Variants in EXPH5 observed in about 807,000 individuals in gnomAD.
EXPH5 encodes exophilin 5, also known as exophilin-5.
EXPH5 carries 42 observed loss-of-function variants against 41.1 expected under a neutral mutation model. The ratio of observed to expected loss-of-function variants is 1.02; its 90% CI spans 0.80 to 1.32. The LOEUF is 1.32. Ranked by LOEUF, EXPH5 falls within the 40% of genes most tolerant of loss-of-function variation. The pLI, the probability that EXPH5 is intolerant of heterozygous loss-of-function variation, is 0.00. For synonymous variants in EXPH5, 798 were observed against 833.5 expected (o/e 0.96, Z 0.73); for missense variants, 2,298 against 2,314.5 (o/e 0.99, Z 0.15).
At chr11:108,545,967 C>T (rs958474171) in intron 1 of EXPH5, among the ~76,000 whole-genome samples, 1 of 151,468 alleles carries the variant, frequency 6.6e-6, no homozygotes, top group Non-Finnish European at 1.5e-5. Flanking sequence ...GGCTGAGGCA[C>T]CACCAGTGAA....
chr11:108,589,132 A>G (rs1430806878), intron 1 of EXPH5, among the ~76,000 whole-genome samples: 1 of 152,208 alleles, frequency 6.6e-6, no homozygotes, highest in East Asian at 1.9e-4. Context: ...TACACATTCT[A>G]TCGCCAATGA....
intron 4 of EXPH5, among the ~76,000 whole-genome samples, chr11:108,520,348 G>A (rs1340019920): frequency 6.6e-6 from 1 of 151,856 alleles, no homozygotes; most frequent in Non-Finnish European, 1.5e-5. Context: ...TGGGTCCCTG[G>A]TGCCAAAAAC....
At chr11:108,587,070 T>C (rs1407821486) in intron 1 of EXPH5, among the ~76,000 whole-genome samples, 1 of 152,096 alleles carries the variant, frequency 6.6e-6, no homozygotes, top group African/African-American at 2.4e-5. Context: ...CACCTTCTTC[T>C]CAATTTTAAG....
chr11:108,541,695 T>A lies in EXPH5; in HGVS notation c.237A>T (p.Lys79Asn). 1 of 1,611,720 alleles carries A rather than the reference T, an allele frequency of 6.2e-7. No individual in the cohort carries two copies. Among genetic ancestry groups the A allele is most frequent in the Non-Finnish European group, 8.5e-7 (1 of 1,179,150 alleles). ...CNETDVSQML[K>N]QPLTYRLSKE... ...TACTTAGCCTGTATGTAAGTGGTTG[T>A]TTTAACATTTGGCTAACATCTGTTT... Residue 79 changes from lysine to asparagine, a missense_variant, in exon 2 of 6, where the codon AAA becomes AAT. By Grantham distance (94) the Lys-to-Asn change is moderately conservative. Coordinates refer to ENST00000265843, the MANE Select transcript of EXPH5 (RefSeq NM_015065.3).
At chr11:108,516,891 G>A (rs897353210) in intron 5 of EXPH5, among the ~76,000 whole-genome samples, 5 of 152,082 alleles carry the variant, frequency 3.3e-5, no homozygotes, top group South Asian at 2.1e-4. Context: ...GAAGTATAAG[G>A]TGGGGCAAAA....
At chr11:108,579,866 C>G (rs2094092490) in intron 1 of EXPH5, among the ~76,000 whole-genome samples, 1 of 152,074 alleles carries the variant, frequency 6.6e-6, no homozygotes, top group African/African-American at 2.4e-5. Flanking sequence ...AAAGGGTTTT[C>G]TGGCAGCAAC....
rs1272616786 is a variant in EXPH5, at chr11:108,511,220, A to C, written c.4287T>G (p.Ala1429=). 1 of 1,613,202 alleles carries C rather than the reference A, an allele frequency of 6.2e-7. No homozygotes were observed. Among genetic ancestry groups the C allele is most frequent in the East Asian group, 2.2e-5 (1 of 44,900 alleles). Residue 1429 remains alanine (A), a synonymous_variant, in exon 6 of 6, where the codon GCT becomes GCG. Transcript: ENST00000265843. ...AATTTCCAATATTAACTTCTGAAAG[A>C]GCTGGAAGACTAGAGGGACCACTGT... The part of the protein sequence containing the change: ...SSNSGPSSLP[A]LSEVNIGNSQ...
chr11:108,526,458 A>G (rs945366294), intron 4 of EXPH5, among the ~76,000 whole-genome samples: 1 of 152,164 alleles, frequency 6.6e-6, no homozygotes, highest in Non-Finnish European at 1.5e-5. Flanking sequence ...CTTTCTTTTT[A>G]CATTCCTTTT....
chr11:108,512,317 TC>T lies in EXPH5; in HGVS notation c.3189del (p.Asn1064ThrfsTer4), dbSNP rs1339950284. On this transcript the variant is annotated frameshift_variant, in exon 6 of 6. Coordinates refer to ENST00000265843, the MANE Select transcript of EXPH5 (RefSeq NM_015065.3). LOFTEE classifies it low-confidence loss of function (END_TRUNC). ...QIKNNVEDAMGNYMLNKFSPS... is the reference protein window; with the variant it reads ...QIKNNVEDAMXNYMLNKFSPS... ...GGACTAAATTTGTTTAACATATAGTTCCCCATTGCATCTTCCACATTATTTT... is the reference window on the plus strand; with the variant it reads ...GGACTAAATTTGTTTAACATATAGTTCCCATTGCATCTTCCACATTATTTT... The T allele has an allele frequency of 3.1e-6, 5 of 1,613,560 alleles. No individual in the cohort carries two copies. The highest frequency in any genetic ancestry group is 4.2e-6 in the Non-Finnish European group (5 of 1,179,878).
In EXPH5 at chr11:108,512,666, A is replaced by G. The variant is rs1215997871; in HGVS notation, c.2841T>C (p.Asp947=). The change falls in exon 6 of 6, where the codon GAT becomes GAC. Residue 947 remains aspartate, a synonymous_variant. Transcript: ENST00000265843. ...CTTCATCATGTGTAGGCACAGGACTATCATTTCTCTCTTGGTTTTCTGAGT... is the reference window on the plus strand; with the variant it reads ...CTTCATCATGTGTAGGCACAGGACTGTCATTTCTCTCTTGGTTTTCTGAGT... ...VSHSENQERN[D]SPVPTHDEVV... 42 of 1,614,032 alleles carry G rather than the reference A, an allele frequency of 2.6e-5. No homozygotes were observed. The highest frequency in any genetic ancestry group is 3.3e-5 in the Non-Finnish European group (39 of 1,180,026).
chr11:108,589,230 C>T (rs968213689), intron 1 of EXPH5, among the ~76,000 whole-genome samples: 2 of 152,192 alleles, frequency 1.3e-5, no homozygotes, highest in Non-Finnish European at 2.9e-5. Flanking sequence ...GTCTGGCACA[C>T]AGTAAAAAGC....
At chr11:108,522,215 C>G (rs149637376) in intron 4 of EXPH5, among the ~76,000 whole-genome samples, 117 of 151,216 alleles carry the variant, frequency 7.7e-4, no homozygotes, top group African/African-American at 2.8e-3. Context: ...AAAAAAGGAA[C>G]TGTTAGTCAA....
At chr11:108,587,268 C>T (rs961821902) in intron 1 of EXPH5, among the ~76,000 whole-genome samples, 9 of 152,244 alleles carry the variant, frequency 5.9e-5, no homozygotes, top group African/African-American at 1.9e-4. Flanking sequence ...CTAAACTTAA[C>T]CTGACCTCCT....
intron 3 of EXPH5, among the ~76,000 whole-genome samples, chr11:108,530,942 C>T (rs1323256311): frequency 6.6e-6 from 1 of 152,194 alleles, no homozygotes; most frequent in Non-Finnish European, 1.5e-5. Context: ...GGCCTTCCCA[C>T]AAGTTAATTT....
At chr11:108,607,391 A>T in the EXPH5 span, among the ~76,000 whole-genome samples, 3 of 152,226 alleles carry the variant, frequency 2.0e-5, no homozygotes, top group African/African-American at 4.8e-5. Flanking sequence ...TACTCATTCA[A>T]TGTAAAAATA....
At chr11:108,583,326 C>T (rs1175964749) in intron 1 of EXPH5, among the ~76,000 whole-genome samples, 9 of 150,766 alleles carry the variant, frequency 6.0e-5, no homozygotes, top group African/African-American at 1.7e-4. Flanking sequence ...GAGCTGAGAT[C>T]GCACGACTGC....
intron 1 of EXPH5, among the ~76,000 whole-genome samples, chr11:108,542,172 G>A (rs561749834): frequency 2.0e-5 from 3 of 152,146 alleles, no homozygotes; most frequent in African/African-American, 7.2e-5. Context: ...GAGCCACCTG[G>A]CCCAGCCTCA....
intron 1 of EXPH5, among the ~76,000 whole-genome samples, chr11:108,577,702 C>T (rs923109078): frequency 2.6e-5 from 4 of 152,072 alleles, no homozygotes; most frequent in Non-Finnish European, 4.4e-5. Context: ...GGATTACAGG[C>T]GTGAGCCACT....
At chr11:108,528,007 G>A (rs1206199076) in intron 4 of EXPH5, 129 bp downstream of exon 4, 3 of 612,758 alleles carry the variant, frequency 4.9e-6, no homozygotes, top group Admixed American at 2.9e-5. Context: ...GAACTCTTAG[G>A]GAGAAATCCA....
Sources: gnomAD v4.1 joint callset for allele counts (sites outside exome capture counted in the v4.1 genomes callset) on GRCh38, gnomAD v4.1.1 for gene constraint, MANE v1.5 for transcripts, NCBI Gene and HGNC (gene_info 2026-07-23, HGNC 2026-07-21) for gene names.